Variants in PCDH15 observed in about 807,000 individuals in gnomAD.
PCDH15 encodes the protein protocadherin-15.
PCDH15 carries 129 observed loss-of-function variants against 178.5 expected under a neutral mutation model. The observed-to-expected ratio is 0.72, with a 90% CI of 0.63 to 0.84. The LOEUF (loss-of-function observed/expected upper bound fraction) is 0.84. Ranked by LOEUF, PCDH15 falls within the 40% of genes least tolerant of loss-of-function variation. The pLI is 0.00. For synonymous variants in PCDH15, 800 were observed against 732.0 expected, an observed-to-expected ratio of 1.09 and a Z score of -1.50; for missense variants, 2,230 against 2,099.9, an observed-to-expected ratio of 1.06 and a Z score of -1.21.
chr10:54,732,337 C>A (rs1445972103), intron 1 of PCDH15, among the ~76,000 whole-genome samples: 1 of 151,238 alleles, frequency 6.6e-6, no homozygotes, highest in African/African-American at 2.4e-5. Flanking sequence ...ATCCAAACTA[C>A]CAATATCCTT....
intron 1 of PCDH15, among the ~76,000 whole-genome samples, chr10:55,272,261 A>T (rs1359499147): frequency 6.6e-6 from 1 of 151,942 alleles, no homozygotes; most frequent in Non-Finnish European, 1.5e-5. Flanking sequence ...TTTTTTTAGA[A>T]TATGGTTAAG....
chr10:55,406,311 T>C (rs984682415), intron 2 of PCDH15, among the ~76,000 whole-genome samples: 3 of 152,142 alleles, frequency 2.0e-5, no homozygotes, highest in Non-Finnish European at 4.4e-5. Context: ...TTATTCTGCC[T>C]GGTGTGTTGA....
intron 2 of PCDH15, among the ~76,000 whole-genome samples, chr10:55,621,920 G>T (rs1292423717): frequency 2.0e-5 from 3 of 148,080 alleles, no homozygotes; most frequent in African/African-American, 7.4e-5. Context: ...AAAAAATGAG[G>T]AAACGACATT....
At chr10:54,087,618 G>A (rs561510098) in intron 16 of PCDH15, among the ~76,000 whole-genome samples, 1 of 152,140 alleles carries the variant, frequency 6.6e-6, no homozygotes, top group African/African-American at 2.4e-5. Flanking sequence ...AACTTTCTTT[G>A]TGCAAACTAT....
At chr10:55,467,966 C>CAAAAAAAAAAA (rs71463104) in intron 2 of PCDH15, among the ~76,000 whole-genome samples, 3 of 36,638 alleles carry the variant, frequency 8.2e-5, no homozygotes, top group South Asian at 1.2e-3. Context: ...GACTCCGTCT[C>CAAAAAAAAAAA]AAAAAAAAAA....
At chr10:54,273,619 C>T (rs2058174761) in intron 8 of PCDH15, among the ~76,000 whole-genome samples, 1 of 152,020 alleles carries the variant, frequency 6.6e-6, no homozygotes, top group Admixed American at 6.6e-5. Context: ...AAACAACTTA[C>T]TAGTTTTAAA....
At chr10:54,186,047 T>A (rs1484583323) in intron 11 of PCDH15, among the ~76,000 whole-genome samples, 1 of 151,950 alleles carries the variant, frequency 6.6e-6, no homozygotes, top group Non-Finnish European at 1.5e-5. Flanking sequence ...CAACATACTC[T>A]AATTTAGAGA....
At chr10:54,192,376 C>T (rs551965016) in intron 11 of PCDH15, among the ~76,000 whole-genome samples, 2 of 151,774 alleles carry the variant, frequency 1.3e-5, no homozygotes, top group Non-Finnish European at 2.9e-5. Flanking sequence ...TAATAACAGA[C>T]CAATAGGGTG....
intron 20 of PCDH15, among the ~76,000 whole-genome samples, chr10:54,014,213 G>A (rs987576326): frequency 1.3e-4 from 20 of 152,128 alleles, no homozygotes; most frequent in Middle Eastern, 3.4e-3. Context: ...CCAAGTTTGT[G>A]TTAAAAAGAA....
intron 2 of PCDH15, among the ~76,000 whole-genome samples, chr10:55,509,352 C>A (rs1224288319): frequency 6.6e-6 from 1 of 151,622 alleles, no homozygotes; most frequent in African/African-American, 2.4e-5. Context: ...GTGTCCAAAA[C>A]CAAAACCTAA....
intron 8 of PCDH15, among the ~76,000 whole-genome samples, chr10:54,254,436 T>A (rs2056746358): frequency 6.6e-6 from 1 of 152,288 alleles, no homozygotes; most frequent in South Asian, 2.1e-4. Context: ...ATAGATAGTC[T>A]TGGTGGGATT....
intron 3 of PCDH15, among the ~76,000 whole-genome samples, chr10:54,832,266 C>A (rs1454720685): frequency 1.3e-5 from 2 of 152,132 alleles, no homozygotes; most frequent in Non-Finnish European, 2.9e-5. Flanking sequence ...CCATCCGAAT[C>A]AGTCACAGCA....
At chr10:54,465,163 G>T (rs1237053931) in intron 3 of PCDH15, among the ~76,000 whole-genome samples, 1 of 151,916 alleles carries the variant, frequency 6.6e-6, no homozygotes, top group African/African-American at 2.4e-5. Context: ...ATTTACAGGG[G>T]ACATGTGATT....
At chr10:54,594,986 C>CCCATCCCTG (rs2092133138) in intron 2 of PCDH15, among the ~76,000 whole-genome samples, 2 of 152,192 alleles carry the variant, frequency 1.3e-5, no homozygotes, top group South Asian at 4.1e-4. Context: ...CCACTAGCGC[C>CCCATCCCTG]CCATCCCTGT....
chr10:54,188,394 T>G (rs2133845376), intron 11 of PCDH15, among the ~76,000 whole-genome samples: 1 of 151,964 alleles, frequency 6.6e-6, no homozygotes, highest in South Asian at 2.1e-4. Flanking sequence ...GGTAGCAGAC[T>G]TTAGGTAGCT....
intron 1 of PCDH15, among the ~76,000 whole-genome samples, chr10:55,193,205 C>T (rs1021804787): frequency 6.6e-6 from 1 of 151,296 alleles, no homozygotes; most frequent in African/African-American, 2.4e-5. Flanking sequence ...GGGTGGCTTA[C>T]GATATTGGAG....
chr10:54,847,060 G>C (rs1473726533), intron 3 of PCDH15, among the ~76,000 whole-genome samples: 1 of 152,120 alleles, frequency 6.6e-6, no homozygotes, highest in African/African-American at 2.4e-5. Flanking sequence ...TCAAATGAGT[G>C]AATATCTCTG....
chr10:54,776,445 A>T (rs1949711687), intron 1 of PCDH15, among the ~76,000 whole-genome samples: 1 of 152,030 alleles, frequency 6.6e-6, no homozygotes, highest in Non-Finnish European at 1.5e-5. Flanking sequence ...ATTAAAAAAA[A>T]AAAAGATTCC....
intron 3 of PCDH15, among the ~76,000 whole-genome samples, chr10:54,807,862 A>G (rs944268519): frequency 6.6e-6 from 1 of 151,530 alleles, no homozygotes; most frequent in Non-Finnish European, 1.5e-5. Context: ...TTATAGAATG[A>G]GTATAGATTT....
Sources: gnomAD v4.1 joint callset for allele counts (sites outside exome capture counted in the v4.1 genomes callset) on GRCh38, gnomAD v4.1.1 for gene constraint, MANE v1.5 for transcripts, NCBI Gene and HGNC (gene_info 2026-07-23, HGNC 2026-07-21) for gene names.